Variants in ADCY5 observed in about 807,000 individuals in gnomAD.
ADCY5 encodes adenylate cyclase 5.
ADCY5 carries 30 observed loss-of-function variants against 119.7 expected under a neutral mutation model. The ratio of observed to expected loss-of-function variants is 0.25; its 90% CI spans 0.19 to 0.34. The LOEUF (loss-of-function observed/expected upper bound fraction) is 0.34. Among genes scored for constraint, ADCY5 ranks in the 10% least tolerant of loss-of-function variants. The probability of loss-of-function intolerance (pLI) is 1.00; values close to 1 mark genes in which losing one functional copy is unlikely to be tolerated. For synonymous variants in ADCY5, 753 were observed against 762.2 expected (o/e 0.99, Z 0.20); for missense variants, 1,324 against 1,775.2 (o/e 0.75, Z 4.57).
At chr3:123,297,505 C>T (rs1038731159) in intron 15 of ADCY5, 123 bp from the exon 16 acceptor site, 16 of 1,073,540 alleles carry the variant, frequency 1.5e-5, no homozygotes, top group Non-Finnish European at 2.1e-5. Context: ...GGCTCCCCAG[C>T]CCCATTCACC....
At chr3:123,291,032 A>G (rs1939112599) in intron 18 of ADCY5, 81 bp downstream of exon 18, 1 of 1,494,286 alleles carries the variant, frequency 6.7e-7, no homozygotes, top group African/African-American at 1.4e-5. Flanking sequence ...AGGGGGCGCC[A>G]GGTCTCTTCA....
intron 1 of ADCY5, among the ~76,000 whole-genome samples, chr3:123,383,990 ACC>A (rs369370091): frequency 3.3e-5 from 5 of 150,774 alleles, no homozygotes; most frequent in South Asian, 2.1e-4. Context: ...ACAAACACAC[ACC>A]CACCCTTCCT....
In ADCY5 at chr3:123,284,529, C is replaced by A; in HGVS notation, c.*79G>T. The stretch of plus-strand genomic sequence containing the variant: ...GCCCTGCGGGCTGGAGCATGGCTTC[C>A]CCGCCACCCCCGGCACACAGAGAAG... On this transcript the variant is annotated 3_prime_UTR_variant, in exon 21 of 21. Coordinates refer to ENST00000462833, the MANE Select transcript of ADCY5 (RefSeq NM_183357.3). 1 of 1,581,858 alleles carries A rather than the reference C, an allele frequency of 6.3e-7. No individual in the cohort carries two copies.
chr3:123,318,164 G>T, intron 10 of ADCY5, 47 bp from the exon 11 acceptor site: 1 of 1,471,028 alleles, frequency 6.8e-7, no homozygotes. Context: ...ACCTGGCCCG[G>T]TCTGCTCCAG....
rs531331595 is a variant in ADCY5, at chr3:123,436,315, G to C, written c.1134+11097C>G. Among the ~76,000 whole-genome samples the C allele has an allele frequency of 2.6e-5, 4 of 152,244 alleles. No individual in the cohort carries two copies. The East Asian group carries it at 7.7e-4, about 29-fold the overall frequency. On this transcript the variant is annotated intron_variant, in intron 1 of 20. Coordinates refer to ENST00000462833, the MANE Select transcript of ADCY5 (RefSeq NM_183357.3). ...TTGAGCCCCAGAAGCAGAGGTTGCA[G>C]TAAGCCAAGATCATACCACTGTACT...
At chr3:123,425,391 C>T (rs1483469398) in intron 1 of ADCY5, among the ~76,000 whole-genome samples, 1 of 152,200 alleles carries the variant, frequency 6.6e-6, no homozygotes, top group African/African-American at 2.4e-5. Flanking sequence ...CCATGTGCCA[C>T]CTTCTCTGCA....
intron 12 of ADCY5, among the ~76,000 whole-genome samples, chr3:123,305,963 C>A (rs757913754): frequency 2.0e-5 from 3 of 152,204 alleles, no homozygotes; most frequent in Non-Finnish European, 4.4e-5. Flanking sequence ...GCTGGGACTA[C>A]AGGCTGAAAG....
intron 1 of ADCY5, among the ~76,000 whole-genome samples, chr3:123,434,357 C>T (rs1325916030): frequency 6.6e-6 from 1 of 152,168 alleles, no homozygotes; most frequent in Non-Finnish European, 1.5e-5. Context: ...GTTTGGGGCA[C>T]CCAGGAACAG....
chr3:123,386,187 G>A (rs1449175289), intron 1 of ADCY5, among the ~76,000 whole-genome samples: 1 of 152,216 alleles, frequency 6.6e-6, no homozygotes, highest in Non-Finnish European at 1.5e-5. Context: ...GGAGGGCACA[G>A]GGCCAGCTGC....
rs374306629 is a variant in ADCY5, at chr3:123,438,767, C to T, written c.1134+8645G>A. 5.3e-5 allele frequency among the ~76,000 whole-genome samples: 8 copies of T among 152,180 alleles called. No homozygotes were observed. The East Asian group carries it at 1.2e-3, about 22-fold the overall frequency. On this transcript the variant is annotated intron_variant, in intron 1 of 20. Transcript: ENST00000462833. ...TCCTTTCCTTTTTATTTTTTTGAGA[C>T]AGGGTCTCTCACTTTGCTGCCCAGA...
chr3:123,414,579 C>T (rs1198743346), intron 1 of ADCY5, among the ~76,000 whole-genome samples: 1 of 151,624 alleles, frequency 6.6e-6, no homozygotes, highest in Non-Finnish European at 1.5e-5. Flanking sequence ...TTTTTTGAGA[C>T]AAAGTCTGGC....
intron 1 of ADCY5, among the ~76,000 whole-genome samples, chr3:123,355,292 A>C (rs1943000393): frequency 6.6e-6 from 1 of 152,206 alleles, no homozygotes; most frequent in African/African-American, 2.4e-5. Context: ...AAAGCAACCT[A>C]CTTTTATATA....
rs2108160322 is a variant in ADCY5 at position 123,286,369 on chromosome 3, C to CT, written c.3657+315dup. On this transcript the variant is annotated intron_variant, in intron 20 of 20. Coordinates refer to ENST00000462833, the MANE Select transcript of ADCY5 (RefSeq NM_183357.3). This position sits in a 1 kb window ranked among gnomAD's most constrained non-coding sequence, Gnocchi z 4.2. ...TTTGCATCCTCTCTGTGTGCCTGGG[C>CT]TAGGAGGCACTGGGGCCTGCATGTG... Among the ~76,000 whole-genome samples, 1 of 152,278 alleles carries CT rather than the reference C, an allele frequency of 6.6e-6. No individual in the cohort carries two copies. The highest frequency in any genetic ancestry group is 2.1e-4 in the South Asian group (1 of 4,826).
intron 1 of ADCY5, among the ~76,000 whole-genome samples, chr3:123,434,314 C>G (rs1576694795): frequency 3.3e-5 from 5 of 152,368 alleles, no homozygotes; most frequent in Admixed American, 3.3e-4. Flanking sequence ...ACCCGCCTCA[C>G]AGCTTACAGA....
At chr3:123,327,804 A>G (rs1941568669) in intron 6 of ADCY5, 45 bp from the exon 7 acceptor site, 1 of 1,604,766 alleles carries the variant, frequency 6.2e-7, no homozygotes, top group South Asian at 1.1e-5. Context: ...GAAAACTCAA[A>G]GTCATAATGT....
chr3:123,410,545 AC>A, intron 1 of ADCY5, among the ~76,000 whole-genome samples: 1 of 152,334 alleles, frequency 6.6e-6, no homozygotes, highest in South Asian at 2.1e-4. Context: ...CATAACGTCC[AC>A]CTTAGAAAGC....
intron 17 of ADCY5, among the ~76,000 whole-genome samples, chr3:123,295,199 C>A (rs74624546): frequency 0.017 from 2,540 of 152,330 alleles, 67 homozygotes; most frequent in African/African-American, 0.054. Flanking sequence ...CTGCTCCAGC[C>A]CAAAGACTTC....
intron 5 of ADCY5, among the ~76,000 whole-genome samples, 184 bp from the exon 6 acceptor site, chr3:123,328,986 G>A (rs775421701): frequency 1.3e-5 from 2 of 152,200 alleles, no homozygotes; most frequent in Non-Finnish European, 2.9e-5. Flanking sequence ...AGGTGCAGTC[G>A]GCTGTGAAAG....
intron 1 of ADCY5, among the ~76,000 whole-genome samples, chr3:123,397,355 G>A (rs1944630078): frequency 6.6e-6 from 1 of 152,230 alleles, no homozygotes; most frequent in African/African-American, 2.4e-5. Context: ...ACCATGGCTG[G>A]CCAGGCGCAG....
Sources: allele counts gnomAD v4.1 joint callset (sites outside exome capture counted in the v4.1 genomes callset), GRCh38; gene constraint gnomAD v4.1.1; non-coding constraint Gnocchi (gnomAD v3.1); transcripts MANE v1.5; gene names NCBI Gene and HGNC (gene_info 2026-07-23, HGNC 2026-07-21).